Variants in PHACTR3 observed in about 807,000 individuals in gnomAD.
PHACTR3 encodes protein phosphatase 1, regulatory subunit 123.
A neutral mutation model predicts 66.8 loss-of-function variants in PHACTR3; 16 were observed. The observed-to-expected ratio is 0.24, with a 90% CI of 0.16 to 0.36. PHACTR3 has a LOEUF of 0.36. Among genes scored for constraint, PHACTR3 ranks in the 10% least tolerant of loss-of-function variants. The pLI is 1.00. For synonymous variants in PHACTR3, 323 were observed against 292.1 expected (o/e 1.11, Z -1.08); for missense variants, 647 against 719.9 (o/e 0.90, Z 1.16).
rs184707657 is a variant in PHACTR3, at chr20:59,730,082, C to G, written c.119-13025C>G. Reference sequence around the variant, plus strand: ...TATACTTGTTGAGCCCTGGCTAGGCCCTCCTGAGCTCTGTTTCAGGGCCTG... The same window carrying G: ...TATACTTGTTGAGCCCTGGCTAGGCGCTCCTGAGCTCTGTTTCAGGGCCTG... On this transcript the variant is annotated intron_variant, in intron 1 of 12. Transcript: ENST00000371015. 6.2e-4 allele frequency among the ~76,000 whole-genome samples: 95 copies of G among 152,214 alleles called. 3 individuals carry two copies. In the South Asian group the frequency reaches 0.013, roughly 21 times the overall value.
intron 8 of PHACTR3, among the ~76,000 whole-genome samples, chr20:59,831,321 C>T (rs1600735586): frequency 6.6e-6 from 1 of 152,218 alleles, no homozygotes; most frequent in East Asian, 1.9e-4. Flanking sequence ...GTCCTTCCGG[C>T]CTCCCTGTCA....
In PHACTR3 at chr20:59,671,539, G is replaced by T. The variant is rs184700077; in HGVS notation, c.118+66407G>T. On this transcript the variant is annotated intron_variant, in intron 1 of 12. Coordinates refer to ENST00000371015, the MANE Select transcript of PHACTR3 (RefSeq NM_080672.5). ...CTTGGTTGGTTTGAACACAGTGTTT[G>T]TGTGTTTCATTGAACCAACATTTAA... 1.1e-4 allele frequency among the ~76,000 whole-genome samples: 16 copies of T among 152,344 alleles called. 1 individual carries two copies. The East Asian group carries it at 1.9e-3, about 18-fold the overall frequency.
At chr20:59,606,552 A>G (rs1022013999) in intron 1 of PHACTR3, among the ~76,000 whole-genome samples, 1 of 152,190 alleles carries the variant, frequency 6.6e-6, no homozygotes, top group African/African-American at 2.4e-5. Flanking sequence ...GCACTCCATG[A>G]TGGATTGCCT....
chr20:59,781,639 T>TAATTTTTTA (rs2040730126), intron 7 of PHACTR3, among the ~76,000 whole-genome samples: 2 of 152,204 alleles, frequency 1.3e-5, no homozygotes, highest in African/African-American at 4.8e-5. Flanking sequence ...TATTTGTACA[T>TAATTTTTTA]TATTTATTTA....
intron 7 of PHACTR3, among the ~76,000 whole-genome samples, chr20:59,793,156 T>G (rs1043321326): frequency 2.0e-5 from 3 of 152,188 alleles, no homozygotes; most frequent in Non-Finnish European, 4.4e-5. Flanking sequence ...CTCAAAGTGT[T>G]GGGATTACAG....
chr20:59,636,902 A>C (rs1475399811), intron 1 of PHACTR3, among the ~76,000 whole-genome samples: 1 of 152,248 alleles, frequency 6.6e-6, no homozygotes. Context: ...GTATTTCTAC[A>C]TTCAGTAACA....
chr20:59,846,684 T>TATA (rs2059155006), intron 12 of PHACTR3, among the ~76,000 whole-genome samples: 2 of 152,190 alleles, frequency 1.3e-5, no homozygotes, highest in Non-Finnish European at 2.9e-5. Flanking sequence ...TAAAATTATT[T>TATA]CAACAATTCA....
In PHACTR3 at chr20:59,755,238, C is replaced by T. The variant is rs368361108; in HGVS notation, c.415C>T (p.Pro139Ser). ...DGGPRSVQSE[P>S]PTPKSETLTS... ...AGGACCCCGATCTGTACAGAGTGAA[C>T]CACCCACTCCCAAGTCGGAGACGCT... The change falls in exon 4 of 13, where the codon CCA (proline) becomes TCA (serine). Residue 139 changes from proline (P) to serine (S), a missense_variant. By Grantham distance (74) the Pro-to-Ser change is moderately conservative. Transcript: ENST00000371015. 112 of 1,613,842 alleles carry T rather than the reference C, an allele frequency of 6.9e-5. No homozygotes were observed. The highest frequency in any genetic ancestry group is 3.6e-4 in the South Asian group (33 of 91,094).
intron 1 of PHACTR3, among the ~76,000 whole-genome samples, chr20:59,729,172 G>A (rs1311288297): frequency 1.3e-5 from 2 of 152,090 alleles, no homozygotes; most frequent in Admixed American, 1.3e-4. Context: ...GGTCAGGGGT[G>A]TATGCCATGT....
chr20:59,762,910 G>C (rs2040043017), intron 4 of PHACTR3, among the ~76,000 whole-genome samples: 1 of 152,212 alleles, frequency 6.6e-6, no homozygotes, highest in African/African-American at 2.4e-5. Context: ...CAAGGGGTGG[G>C]TACAGGGTGG....
intron 1 of PHACTR3, among the ~76,000 whole-genome samples, chr20:59,706,827 G>A (rs763474702): frequency 3.0e-4 from 45 of 152,200 alleles, no homozygotes; most frequent in East Asian, 1.4e-3. Flanking sequence ...GTTCCCTGGG[G>A]TCTGGGCTCT....
At position 59,686,863 on chromosome 20, in the gene PHACTR3, G is replaced by A. The variant is rs879871218; in HGVS notation, c.119-56244G>A. On this transcript the variant is annotated intron_variant, in intron 1 of 12. Transcript: ENST00000371015. ...GATGGTGATGATGGTGATGATGATG[G>A]TGGTGATTGTGATGATGGTGGTGAT... 3.9e-3 allele frequency among the ~76,000 whole-genome samples: 531 copies of A among 137,698 alleles called. 2 individuals are homozygous for A. The highest frequency in any genetic ancestry group is 6.7e-3 in the Non-Finnish European group (406 of 60,692). 90.3% of individuals were successfully genotyped at this position (137,698 alleles called of 152,430 possible).
intron 11 of PHACTR3, chr20:59,843,430 A>ACTAACTTCAAAATGTATTATAAGGTTAT (rs2059099206): frequency 6.6e-6 from 1 of 152,142 alleles, no homozygotes; most frequent in Non-Finnish European, 1.5e-5. Context: ...GAGGCATCAC[A>ACTAACTTCAAAATGTATTATAAGGTTAT]CTAACTTCAA....
chr20:59,636,355 A>G (rs2034902947), intron 1 of PHACTR3, among the ~76,000 whole-genome samples: 2 of 152,168 alleles, frequency 1.3e-5, no homozygotes, highest in African/African-American at 4.8e-5. Flanking sequence ...ATCTCATTCA[A>G]TATTCATAAC....
intron 1 of PHACTR3, among the ~76,000 whole-genome samples, chr20:59,610,630 C>A (rs1248058744): frequency 1.3e-5 from 2 of 152,232 alleles, no homozygotes; most frequent in African/African-American, 2.4e-5. Context: ...TGTGCGGGAG[C>A]CCCATGCAGC....
chr20:59,750,591 G>A (rs79390905), intron 3 of PHACTR3, among the ~76,000 whole-genome samples: 7,469 of 152,214 alleles, frequency 0.049, 263 homozygotes, highest in African/African-American at 0.1. Flanking sequence ...GGGTCAAGAC[G>A]CCTCCCGTCT....
intron 8 of PHACTR3, among the ~76,000 whole-genome samples, chr20:59,807,125 AC>A (rs34745541): frequency 1.6e-4 from 25 of 152,034 alleles, no homozygotes; most frequent in Admixed American, 1.6e-3. Context: ...ATTTACATAA[AC>A]TTTTTTTTTC....
intron 1 of PHACTR3, chr20:59,676,573 G>A (rs776486826): frequency 2.3e-5 from 7 of 307,890 alleles, no homozygotes; most frequent in African/African-American, 6.8e-5. Flanking sequence ...GCAGTGCTGC[G>A]CCGGGTTGGA....
chr20:59,747,217 C>T (rs2039403679), intron 2 of PHACTR3, among the ~76,000 whole-genome samples: 1 of 152,222 alleles, frequency 6.6e-6, no homozygotes. Context: ...GGCTGGCCTC[C>T]TCCCTTCCTG....
Sources: allele counts gnomAD v4.1 joint callset (sites outside exome capture counted in the v4.1 genomes callset), GRCh38; gene constraint gnomAD v4.1.1; transcripts MANE v1.5; gene names NCBI Gene and HGNC (gene_info 2026-07-23, HGNC 2026-07-21).